Variants in THSD4 observed in about 807,000 individuals in gnomAD.
THSD4 encodes the protein thrombospondin type 1 domain containing 4.
A neutral mutation model predicts 119.0 loss-of-function variants in THSD4; 69 were observed. The ratio of observed to expected loss-of-function variants is 0.58; its 90% CI spans 0.48 to 0.71. THSD4 has a LOEUF of 0.71. THSD4 is among the 30% of genes least tolerant of loss of function. The pLI is 0.00. For missense variants in THSD4, 1,393 were observed against 1,391.1 expected (o/e 1.00, Z -0.02); for synonymous variants, 524 against 540.4 (o/e 0.97, Z 0.42).
chr15:71,753,605 G>T (rs939575738), intron 14 of THSD4, among the ~76,000 whole-genome samples: 1 of 152,182 alleles, frequency 6.6e-6, no homozygotes, highest in Non-Finnish European at 1.5e-5. Flanking sequence ...GTTCAATTAC[G>T]AGTCATGTCC....
At chr15:71,329,761 A>G (rs2045397981) in intron 6 of THSD4, among the ~76,000 whole-genome samples, 1 of 152,212 alleles carries the variant, frequency 6.6e-6, no homozygotes, top group Non-Finnish European at 1.5e-5. Flanking sequence ...TGCTTAGCAC[A>G]TTGAAAATAA....
intron 7 of THSD4, among the ~76,000 whole-genome samples, chr15:71,506,132 G>A (rs74898270): frequency 1.3e-5 from 2 of 152,188 alleles, no homozygotes; most frequent in Admixed American, 1.3e-4. Flanking sequence ...GTCCTTGCCC[G>A]TAAGGAGTTT....
chr15:71,122,348 G>C (rs759470012), intron 1 of THSD4, among the ~76,000 whole-genome samples: 2 of 152,256 alleles, frequency 1.3e-5, no homozygotes, highest in East Asian at 3.9e-4. Context: ...ATGTTCACAG[G>C]CTCACACAGC....
intron 6 of THSD4, among the ~76,000 whole-genome samples, chr15:71,267,942 G>T (rs796151456): frequency 3.9e-5 from 6 of 152,284 alleles, no homozygotes; most frequent in African/African-American, 1.4e-4. Context: ...CAATACAGGA[G>T]CATCCAGATT....
chr15:71,587,271 C>T (rs376467076), intron 7 of THSD4, among the ~76,000 whole-genome samples: 6 of 124,086 alleles, frequency 4.8e-5, no homozygotes, highest in Admixed American at 9.2e-5. Context: ...TCCCATTACT[C>T]GGTATATACC....
intron 6 of THSD4, 118 bp downstream of exon 6, chr15:71,256,833 G>T (rs953718040): frequency 1.1e-6 from 1 of 875,558 alleles, no homozygotes. Flanking sequence ...CAATAGGGGA[G>T]AAAGTGTGAC....
chr15:71,605,369 C>A (rs1334864262), intron 7 of THSD4, among the ~76,000 whole-genome samples: 3 of 152,202 alleles, frequency 2.0e-5, no homozygotes, highest in Non-Finnish European at 4.4e-5. Context: ...AGACTTTGGC[C>A]TCTAGGTGGA....
chr15:71,339,155 C>T (rs1448507572), intron 6 of THSD4, among the ~76,000 whole-genome samples: 1 of 152,158 alleles, frequency 6.6e-6, no homozygotes, highest in East Asian at 1.9e-4. Flanking sequence ...TAAGAACTCC[C>T]TCTGGGTTCT....
intron 6 of THSD4, among the ~76,000 whole-genome samples, chr15:71,367,952 T>C (rs1596372355): frequency 1.3e-5 from 2 of 152,262 alleles, no homozygotes; most frequent in Middle Eastern, 3.4e-3. Flanking sequence ...CCTGTTGTTT[T>C]CTGACTTTTT....
chr15:71,724,281 A>T (rs1189041224), intron 8 of THSD4, among the ~76,000 whole-genome samples: 1 of 33,234 alleles, frequency 3.0e-5, no homozygotes, highest in East Asian at 1.5e-3. Flanking sequence ...ATATATATAT[A>T]TATATATTTT....
At chr15:71,251,428 T>C (rs2044257892) in intron 5 of THSD4, among the ~76,000 whole-genome samples, 1 of 152,200 alleles carries the variant, frequency 6.6e-6, no homozygotes, top group African/African-American at 2.4e-5. Flanking sequence ...GATTGGGGCC[T>C]GGAAGGTGGT....
chr15:71,561,565 A>G (rs73443864), intron 7 of THSD4, among the ~76,000 whole-genome samples: 12,769 of 152,172 alleles, frequency 0.084, 1,818 homozygotes, highest in African/African-American at 0.29. Context: ...CATGAGAATA[A>G]AAAGACAAAC....
chr15:71,431,033 A>T (rs1278390291), intron 7 of THSD4, among the ~76,000 whole-genome samples: 1 of 152,228 alleles, frequency 6.6e-6, no homozygotes, highest in Non-Finnish European at 1.5e-5. Flanking sequence ...ATTACCATAA[A>T]ATAAGAATAT....
At chr15:71,340,211 G>A (rs1442357558) in intron 6 of THSD4, among the ~76,000 whole-genome samples, 5 of 152,142 alleles carry the variant, frequency 3.3e-5, no homozygotes, top group Admixed American at 2.0e-4. Flanking sequence ...GGCAGTGTGC[G>A]GGTACACCTG....
intron 8 of THSD4, among the ~76,000 whole-genome samples, chr15:71,727,826 T>A (rs1364429094): frequency 6.8e-6 from 1 of 146,868 alleles, no homozygotes; most frequent in African/African-American, 2.5e-5. Flanking sequence ...AAAAGAACAA[T>A]GCAAGTATGA....
At chr15:71,738,070 C>T in intron 11 of THSD4, 63 bp downstream of exon 11, 1 of 1,583,930 alleles carries the variant, frequency 6.3e-7, no homozygotes, top group Non-Finnish European at 8.6e-7. Flanking sequence ...GTGTGGGTGG[C>T]CCAAGGCAGC....
At position 71,682,896 on chromosome 15, in the gene THSD4, CTTTCTTTCT is replaced by C. The variant is rs1398839954; in HGVS notation, c.1357+22165_1357+22173del. On this transcript the variant is annotated intron_variant, in intron 8 of 17. Coordinates refer to ENST00000261862, the MANE Select transcript of THSD4 (RefSeq NM_024817.3). ...TCTTTCTTTCTTTCTTTCTTTCTTT[CTTTCTTTCT>C]TTCTTCTTCTTCTTCTTTTTTTTTT... Among the ~76,000 whole-genome samples, 83 of 29,246 alleles carry C rather than the reference CTTTCTTTCT, an allele frequency of 2.8e-3. 1 individual carries two copies. The highest frequency in any genetic ancestry group is 0.014 in the African/African-American group (75 of 5,548). The allele number at this position is 29,246 out of a possible 152,430, so 19.2% of individuals were successfully genotyped here. A position where few individuals can be genotyped will look rare whatever the true frequency, so the allele number is the denominator to read the frequency against.
chr15:71,149,144 T>G (rs2040695026), intron 2 of THSD4, among the ~76,000 whole-genome samples: 1 of 151,950 alleles, frequency 6.6e-6, no homozygotes, highest in Non-Finnish European at 1.5e-5. Context: ...GTTCATGCCA[T>G]TCTCTTGCCT....
chr15:71,221,225 A>G (rs1204346136), intron 4 of THSD4, among the ~76,000 whole-genome samples: 4 of 152,296 alleles, frequency 2.6e-5, no homozygotes, highest in Non-Finnish European at 5.9e-5. Context: ...CCCTGTTACT[A>G]TAGGACTCCC....
Sources: gnomAD v4.1 joint callset for allele counts (sites outside exome capture counted in the v4.1 genomes callset) on GRCh38, gnomAD v4.1.1 for gene constraint, MANE v1.5 for transcripts, NCBI Gene and HGNC (gene_info 2026-07-23, HGNC 2026-07-21) for gene names.